Variants in SLC2A9 observed in about 807,000 individuals in gnomAD.
SLC2A9 encodes solute carrier family 2 member 9.
In SLC2A9, 39 loss-of-function variants were observed where a neutral mutation model predicts 50.6. That is an observed-to-expected ratio of 0.77 (90% CI 0.60 to 1.01). SLC2A9 has a LOEUF of 1.01. Among genes scored for constraint, SLC2A9 ranks in the 50% least tolerant of loss-of-function variants. The pLI is 0.00. For missense variants in SLC2A9, 686 were observed against 677.6 expected, an observed-to-expected ratio of 1.01 and a Z score of -0.14; for synonymous variants, 324 against 276.9, an observed-to-expected ratio of 1.17 and a Z score of -1.69.
At chr4:10,019,805 G>T (rs568225788) in intron 1 of SLC2A9, among the ~76,000 whole-genome samples, 24 of 152,394 alleles carry the variant, frequency 1.6e-4, no homozygotes, top group Non-Finnish European at 2.4e-4. Context: ...TTGGCACAGA[G>T]AACAGGGCGC....
intron 3 of SLC2A9, among the ~76,000 whole-genome samples, chr4:9,803,999 G>C (rs1169227454): frequency 6.6e-6 from 1 of 152,142 alleles, no homozygotes; most frequent in African/African-American, 2.4e-5. Flanking sequence ...AACAAAATAT[G>C]AATCAAGCAC....
At chr4:9,866,574 G>C (rs1326674440) in intron 10 of SLC2A9, among the ~76,000 whole-genome samples, 1 of 152,110 alleles carries the variant, frequency 6.6e-6, no homozygotes, top group African/African-American at 2.4e-5. Context: ...GCTCATGTCA[G>C]TGACAACCCG....
At chr4:9,848,657 A>C (rs899579981) in intron 10 of SLC2A9, among the ~76,000 whole-genome samples, 1 of 151,554 alleles carries the variant, frequency 6.6e-6, no homozygotes, top group Non-Finnish European at 1.5e-5. Context: ...TGAAGGGAAA[A>C]TGATGACAGT....
At chr4:9,777,256 CT>C (rs1717685953), downstream of SLC2A9, among the ~76,000 whole-genome samples, 1 of 150,056 alleles carries the variant, frequency 6.7e-6, no homozygotes, top group Admixed American at 6.6e-5. Flanking sequence ...CAATCTTGTG[CT>C]AATTAGAAAA....
At chr4:9,805,146 C>T (rs1047556459) in intron 3 of SLC2A9, among the ~76,000 whole-genome samples, 7 of 152,254 alleles carry the variant, frequency 4.6e-5, no homozygotes, top group Middle Eastern at 3.4e-3. Flanking sequence ...ACACACAATC[C>T]CTGAATCTCA....
In SLC2A9 at chr4:9,819,580, T is replaced by C. The variant is rs548634076; in HGVS notation, n.420+6840A>G. Among the ~76,000 whole-genome samples, 20 of 152,378 alleles carry C rather than the reference T, an allele frequency of 1.3e-4. 1 individual carries two copies. In the South Asian group the frequency reaches 2.9e-3, roughly 22 times the overall value. On this transcript the variant is annotated intron_variant and non_coding_transcript_variant, in intron 3 of 3. Transcript: ENST00000503280. ...ACAAGTTCTTTGGTGGATATGTGTGTGAGAAAAATATGTGAACATATTTTT... is the reference window on the plus strand; with the variant it reads ...ACAAGTTCTTTGGTGGATATGTGTGCGAGAAAAATATGTGAACATATTTTT...
intron 2 of SLC2A9, among the ~76,000 whole-genome samples, chr4:10,009,141 T>TC (rs959851474): frequency 1.3e-5 from 2 of 152,114 alleles, no homozygotes; most frequent in African/African-American, 4.8e-5. Flanking sequence ...TGCCTCCCCC[T>TC]CACCCCAACC....
At chr4:9,901,766 T>G (rs1739673069) in intron 8 of SLC2A9, among the ~76,000 whole-genome samples, 1 of 152,198 alleles carries the variant, frequency 6.6e-6, no homozygotes, top group African/African-American at 2.4e-5. Context: ...CTCAGATTCT[T>G]GCTGTCTGTC....
chr4:9,878,257 T>C (rs1050910094), intron 10 of SLC2A9, among the ~76,000 whole-genome samples: 2 of 152,168 alleles, frequency 1.3e-5, no homozygotes, highest in Non-Finnish European at 2.9e-5. Flanking sequence ...GTGGCTTTTG[T>C]CATTTATAAT....
In SLC2A9 at chr4:9,930,129, T is replaced by TCTCCC. The variant is rs1560324936; in HGVS notation, c.815-9562_815-9558dup. 2.6e-5 allele frequency among the ~76,000 whole-genome samples: 4 copies of TCTCCC among 152,228 alleles called. No individual in the cohort carries two copies. In the East Asian group the frequency reaches 7.7e-4, roughly 29 times the overall value. Reference sequence around the variant, plus strand: ...CCTCCCCGCAAATCCTGCCTGTCTCTCTCCCCTCCCCTCTCCTTCCTCCCT... The same window carrying TCTCCC: ...CCTCCCCGCAAATCCTGCCTGTCTCTCTCCCCTCCCCTCCCCTCTCCTTCCTCCCT... On this transcript the variant is annotated intron_variant, in intron 6 of 11. Transcript: ENST00000264784.
intron 3 of SLC2A9, among the ~76,000 whole-genome samples, chr4:9,996,314 C>T (rs535115747): frequency 2.0e-5 from 3 of 152,214 alleles, no homozygotes; most frequent in Non-Finnish European, 4.4e-5. Flanking sequence ...GGAACAATTT[C>T]CAAGGCACTG....
intron 3 of SLC2A9, among the ~76,000 whole-genome samples, chr4:9,817,376 G>T (rs536696492): frequency 1.3e-5 from 2 of 152,152 alleles, no homozygotes; most frequent in Non-Finnish European, 2.9e-5. Context: ...CACCTTCTAC[G>T]TATGTGCCAG....
At chr4:9,795,685 T>C (rs376491778), downstream of SLC2A9, among the ~76,000 whole-genome samples, 7 of 152,330 alleles carry the variant, frequency 4.6e-5, no homozygotes, top group East Asian at 9.6e-4. Flanking sequence ...AAAGTCTTAA[T>C]TGCTGATCAA....
chr4:9,853,626 T>C (rs1730301504), intron 10 of SLC2A9, among the ~76,000 whole-genome samples: 1 of 152,168 alleles, frequency 6.6e-6, no homozygotes, highest in African/African-American at 2.4e-5. Context: ...ATTTGGGACC[T>C]GAACTTAACA....
chr4:9,969,576 T>C (rs927856293), intron 5 of SLC2A9, among the ~76,000 whole-genome samples: 2 of 152,202 alleles, frequency 1.3e-5, no homozygotes, highest in South Asian at 2.1e-4. Context: ...TAGTCCCTTT[T>C]GATGCTGCTG....
At chr4:9,779,149 C>T (rs145268522), downstream of SLC2A9, among the ~76,000 whole-genome samples, 203 of 152,264 alleles carry the variant, frequency 1.3e-3, no homozygotes, top group Admixed American at 2.7e-3. Context: ...AAGCGACCTG[C>T]CCAATATACC....
At chr4:9,848,356 A>G (rs1387357746) in intron 10 of SLC2A9, among the ~76,000 whole-genome samples, 1 of 43,266 alleles carries the variant, frequency 2.3e-5, no homozygotes, top group African/African-American at 3.7e-4. Context: ...TGTGTTTTCT[A>G]AAAAAAAAAA....
At chr4:9,793,192 A>G (rs1720180804) in intron 3 of SLC2A9, among the ~76,000 whole-genome samples, 2 of 152,136 alleles carry the variant, frequency 1.3e-5, no homozygotes, top group African/African-American at 4.8e-5. Context: ...CTCTTTAGCA[A>G]TTTTCTGTGT....
At chr4:9,830,455 C>A (rs1725921816) in intron 11 of SLC2A9, among the ~76,000 whole-genome samples, 1 of 152,138 alleles carries the variant, frequency 6.6e-6, no homozygotes. Context: ...TGTAGCAAAC[C>A]ACCACGGCAT....
Sources: gnomAD v4.1 joint callset for allele counts (sites outside exome capture counted in the v4.1 genomes callset) on GRCh38, gnomAD v4.1.1 for gene constraint, MANE v1.5 for transcripts, NCBI Gene and HGNC (gene_info 2026-07-23, HGNC 2026-07-21) for gene names.